The following PPM1A variants were observed in gnomAD, a reference collection of about 807,000 sequenced individuals.
PPM1A encodes protein phosphatase, Mg2+/Mn2+ dependent 1A, also known as protein phosphatase 1A.
In PPM1A, 7 loss-of-function variants were observed where a neutral mutation model predicts 35.0. The ratio of observed to expected loss-of-function variants is 0.20; its 90% confidence interval spans 0.11 to 0.38. PPM1A has a LOEUF of 0.38. Among genes scored for constraint, PPM1A ranks in the 10% least tolerant of loss-of-function variants. The pLI, the probability that PPM1A is intolerant of heterozygous loss-of-function variation, is 1.00. For synonymous variants in PPM1A, 153 were observed against 167.3 expected, an observed-to-expected ratio of 0.91 and a Z score of 0.66; for missense variants, 239 against 467.8, an observed-to-expected ratio of 0.51 and a Z score of 4.51.
chr14:60,272,941 T>C (rs1272761413), intron 1 of PPM1A, among the ~76,000 whole-genome samples: 1 of 152,138 alleles, frequency 6.6e-6, no homozygotes, highest in Admixed American at 6.5e-5. Context: ...TTATAGTATT[T>C]TTTTTTCTTT....
chr14:60,265,331 A>G (rs1022257511), intron 1 of PPM1A, among the ~76,000 whole-genome samples: 14 of 152,138 alleles, frequency 9.2e-5, no homozygotes, highest in Non-Finnish European at 1.8e-4. Flanking sequence ...ATTGGTTTCA[A>G]GCAGTGAGCC....
chr14:60,294,780 A>T lies in PPM1A; in HGVS notation c.*2298A>T, dbSNP rs80165138. On this transcript the variant is annotated 3_prime_UTR_variant, in exon 6 of 6. Transcript: ENST00000395076. ...TTCCTGTCAAAATTATTAGTATTGA[A>T]ATTAGGCTTGGACACGAGAGAGAAC... 2.8e-3 allele frequency: 422 copies of T among 151,878 alleles called. 3 individuals are homozygous for T. Among genetic ancestry groups the T allele is most frequent in the African/African-American group, 8.9e-3 (368 of 41,508 alleles). The allele number at this position is 151,878 out of a possible 1,614,324, so 9.4% of individuals were successfully genotyped here.
intron 1 of PPM1A, among the ~76,000 whole-genome samples, chr14:60,256,542 A>T (rs1347844708): frequency 2.0e-5 from 3 of 152,246 alleles, no homozygotes; most frequent in African/African-American, 7.2e-5. Flanking sequence ...TTAGAGAACA[A>T]TGCTAATGAG....
rs1360543242 is a variant in PPM1A, at chr14:60,279,392, C to T, written c.-20-3292C>T. On this transcript the variant is annotated intron_variant, in intron 1 of 5. Transcript: ENST00000395076. ...TCAGCCTCCCAAAGTGCTGAGATTA[C>T]AGGCGTGAGCCACTGCGCTCGGCCT... Among the ~76,000 whole-genome samples, 3 of 152,208 alleles carry T rather than the reference C, an allele frequency of 2.0e-5. No homozygotes were observed. The South Asian group carries it at 6.2e-4, about 32-fold the overall frequency.
intron 1 of PPM1A, chr14:60,276,901 G>T (rs79371151): frequency 0.05 from 15,848 of 318,048 alleles, 610 homozygotes; most frequent in African/African-American, 0.14. Flanking sequence ...CCCAGCCTTA[G>T]AATTTTTCAG....
upstream of PPM1A, chr14:60,246,066 T>G: frequency 1.2e-3 from 1,290 of 1,055,530 alleles, no homozygotes; most frequent in Non-Finnish European, 1.6e-3. Context: ...GAGGAAGGAA[T>G]TGTTGAACCT....
chr14:60,282,020 T>C lies in PPM1A; in HGVS notation c.-20-664T>C, dbSNP rs138355737. 5.5e-3 allele frequency among the ~76,000 whole-genome samples: 844 copies of C among 152,284 alleles called. 16 individuals carry two copies. The highest frequency in any genetic ancestry group is 0.019 in the African/African-American group (785 of 41,564). On this transcript the variant is annotated intron_variant, in intron 1 of 5. Coordinates refer to ENST00000395076, the MANE Select transcript of PPM1A (RefSeq NM_021003.5). This position sits in a 1 kb window ranked among gnomAD's most constrained non-coding sequence, Gnocchi z 5.1. The stretch of plus-strand genomic sequence containing the variant: ...AGTAATTTAATAACTTAACTGACTT[T>C]ATCAAAAACTGAAAAACCTCATGGA...
At position 60,260,077 on chromosome 14, in the gene PPM1A, A is replaced by G. The variant is rs11158279; in HGVS notation, c.-21+10400A>G. 6.6e-5 allele frequency among the ~76,000 whole-genome samples: 10 copies of G among 152,232 alleles called. No individual in the cohort carries two copies. The East Asian group carries it at 1.9e-3, about 29-fold the overall frequency. On this transcript the variant is annotated intron_variant, in intron 1 of 5. Coordinates refer to ENST00000395076, the MANE Select transcript of PPM1A (RefSeq NM_021003.5). ...TATCTGTGCAAACTATGGTTTGAGT[A>G]CTTTTAATTTAGCAAAGACTAATTA...
chr14:60,258,151 C>A (rs959061296), intron 1 of PPM1A, among the ~76,000 whole-genome samples: 21 of 152,064 alleles, frequency 1.4e-4, no homozygotes, highest in African/African-American at 5.1e-4. Context: ...CTAGTGTGAT[C>A]TTTTCTGGTT....
intron 3 of PPM1A, chr14:60,287,435 T>C (rs1271717664): frequency 2.0e-6 from 2 of 984,262 alleles, no homozygotes; most frequent in African/African-American, 3.5e-5. Context: ...GAATAAATAT[T>C]ACATTAAAAT....
intron 3 of PPM1A, chr14:60,288,680 G>A: frequency 5.6e-6 from 2 of 358,250 alleles, no homozygotes; most frequent in Non-Finnish European, 7.8e-6. Context: ...GAAATATTAT[G>A]GGTAGCCATG....
intron 1 of PPM1A, among the ~76,000 whole-genome samples, chr14:60,269,698 G>A (rs990217451): frequency 2.6e-5 from 4 of 152,020 alleles, no homozygotes; most frequent in Non-Finnish European, 5.9e-5. Context: ...ACAGGCGTGC[G>A]TTATTATGCC....
intron 1 of PPM1A, among the ~76,000 whole-genome samples, chr14:60,279,886 A>G (rs1462939823): frequency 6.6e-6 from 1 of 150,900 alleles, no homozygotes; most frequent in Non-Finnish European, 1.5e-5. Flanking sequence ...TGTAAAAATT[A>G]TATAATAATA....
intron 1 of PPM1A, among the ~76,000 whole-genome samples, chr14:60,268,842 T>C (rs1419177088): frequency 1.3e-5 from 2 of 151,974 alleles, no homozygotes; most frequent in African/African-American, 4.8e-5. Context: ...GCTTACTTTT[T>C]AAGCAATTTC....
In PPM1A at chr14:60,293,730, C is replaced by T. The variant is rs1407480147; in HGVS notation, c.*1248C>T. 2 of 151,354 alleles carry T rather than the reference C, an allele frequency of 1.3e-5. No homozygotes were observed. Among genetic ancestry groups the T allele is most frequent in the Non-Finnish European group, 3.0e-5 (2 of 67,620 alleles). 9.4% of individuals were successfully genotyped at this position (151,354 alleles called of 1,614,324 possible). On this transcript the variant is annotated 3_prime_UTR_variant, in exon 6 of 6. Coordinates refer to ENST00000395076, the MANE Select transcript of PPM1A (RefSeq NM_021003.5). The surrounding 1 kb of genome is among the most constrained non-coding windows in gnomAD (Gnocchi z 4.0). ...CCTGTGATTTTTAATTGGCCCATGTCTTTAGAATCCAAGTGGTTAAGATGT... is the reference window on the plus strand; with the variant it reads ...CCTGTGATTTTTAATTGGCCCATGTTTTTAGAATCCAAGTGGTTAAGATGT...
At chr14:60,245,933 G>A (rs200124758), upstream of PPM1A, 445 of 1,579,938 alleles carry the variant, frequency 2.8e-4, no homozygotes, top group Admixed American at 9.6e-4. This position sits in a 1 kb window ranked among gnomAD's most constrained non-coding sequence, Gnocchi z 4.2. Context: ...ATGGGGAAGA[G>A]AAGGGCAAAG....
chr14:60,251,432 A>G (rs1281493229), intron 1 of PPM1A, among the ~76,000 whole-genome samples: 1 of 152,082 alleles, frequency 6.6e-6, no homozygotes, highest in African/African-American at 2.4e-5. Flanking sequence ...GGGCTGAGGT[A>G]TATGACCTGT....
chr14:60,254,553 T>A (rs1566568865), intron 1 of PPM1A, among the ~76,000 whole-genome samples: 1 of 152,198 alleles, frequency 6.6e-6, no homozygotes, highest in Non-Finnish European at 1.5e-5. Context: ...GTAAGGAAAC[T>A]AAATCATTCT....
chr14:60,264,714 A>AG (rs1356257262), intron 1 of PPM1A, among the ~76,000 whole-genome samples: 1 of 152,094 alleles, frequency 6.6e-6, no homozygotes. Flanking sequence ...ATTATGTTCT[A>AG]GGTGGTTCCT....
Sources: allele counts gnomAD v4.1 joint callset (sites outside exome capture counted in the v4.1 genomes callset), GRCh38; gene constraint gnomAD v4.1.1; non-coding constraint Gnocchi (gnomAD v3.1); transcripts MANE v1.5; gene names NCBI Gene and HGNC (gene_info 2026-07-23, HGNC 2026-07-21).